Variants in OGA observed in about 807,000 individuals in gnomAD.
The protein encoded by OGA is O-GlcNAcase.
Under a neutral mutation model 102.0 loss-of-function variants are expected in OGA, and 21 were observed. That is an observed-to-expected ratio of 0.21 (90% CI 0.15 to 0.30). The LOEUF is 0.30. OGA is among the 10% of genes least tolerant of loss of function. The pLI, the probability that OGA is intolerant of heterozygous loss-of-function variation, is 1.00. For missense variants in OGA, 765 were observed against 1,107.8 expected, an observed-to-expected ratio of 0.69 and a Z score of 4.39; for synonymous variants, 408 against 378.2, an observed-to-expected ratio of 1.08 and a Z score of -0.91.
Position 101,790,180 on chromosome 10 carries a change from A to C in OGA, c.2454+716T>G, listed in dbSNP as rs77221258. 9.4e-3 allele frequency among the ~76,000 whole-genome samples: 1,425 copies of C among 151,788 alleles called. 19 individuals are homozygous for C. The highest frequency in any genetic ancestry group is 0.033 in the African/African-American group (1,353 of 41,440). ...TGTAGAATGCATTAGTCAGAAGGCAAGTTATTAACCTTCTGAGAAACCACC... is the reference window on the plus strand; with the variant it reads ...TGTAGAATGCATTAGTCAGAAGGCACGTTATTAACCTTCTGAGAAACCACC... On this transcript the variant is annotated intron_variant, in intron 14 of 15. Coordinates refer to ENST00000361464, the MANE Select transcript of OGA (RefSeq NM_012215.5).
intron 14 of OGA, among the ~76,000 whole-genome samples, chr10:101,789,425 G>A (rs1324814413): frequency 1.3e-5 from 2 of 152,170 alleles, no homozygotes; most frequent in African/African-American, 4.8e-5. Flanking sequence ...TTGAGCCTGA[G>A]AGGTGGAGGT....
chr10:101,812,865 G>C (rs2065576994), intron 3 of OGA, 165 bp downstream of exon 3: 1 of 695,708 alleles, frequency 1.4e-6, no homozygotes, highest in African/African-American at 1.8e-5. Context: ...TGCTAGCGCA[G>C]AGCACTCTTT....
chr10:101,786,505 A>G lies in OGA; in HGVS notation c.2697T>C (p.Ile899=). 1 of 1,612,632 alleles carries G rather than the reference A, an allele frequency of 6.2e-7. No homozygotes were observed. Among genetic ancestry groups the G allele is most frequent in the Non-Finnish European group, 8.5e-7 (1 of 1,179,422 alleles). Residue 899 remains isoleucine (I), a synonymous_variant, in exon 16 of 16, where the codon ATT becomes ATC. Coordinates refer to ENST00000361464, the MANE Select transcript of OGA (RefSeq NM_012215.5). The part of the protein sequence containing the change: ...EFYSKLGCFE[I]AKMEGFPKDV... ...CCTTTGGAAATCCTTCCATTTTTGC[A>G]ATTTCAAAACATCCTAACTTGCTGT...
At position 101,786,582 on chromosome 10, in the gene OGA, G is replaced by A. The variant is rs1275593539; in HGVS notation, c.2620C>T (p.Arg874Trp). 1.9e-6 allele frequency: 3 copies of A among 1,588,176 alleles called. No homozygotes were observed. Among genetic ancestry groups the A allele is most frequent in the Non-Finnish European group, 2.6e-6 (3 of 1,170,368 alleles). Residue 874 changes from arginine to tryptophan, a missense_variant, in exon 16 of 16, where the codon CGG becomes TGG. Arg to Trp is a moderately radical substitution (Grantham distance 101). This residue lies in a region of OGA where 146 missense variants were observed against 269.7 expected (regional missense o/e 0.54). Transcript: ENST00000361464. ...GGTCTCACTTCACAGAAAGCTCCCC[G>A]GGAGCCTAGAAATAAAACAAATATT... ...LLSSLKANGS[R>W]GAFCEVRPDD...
intron 7 of OGA, among the ~76,000 whole-genome samples, chr10:101,803,448 T>TAAAAAAAAAAAAAAA: frequency 1.3e-5 from 1 of 74,306 alleles, no homozygotes; most frequent in Non-Finnish European, 2.7e-5. Context: ...TGAATCATAC[T>TAAAAAAAAAAAAAAA]AAAAAAAAAA....
At position 101,817,106 on chromosome 10, in the gene OGA, C is replaced by T. The variant is rs755877524; in HGVS notation, c.199+718G>A. Among the ~76,000 whole-genome samples the T allele has an allele frequency of 8.5e-5, 13 of 152,292 alleles. No homozygotes were observed. In the South Asian group the frequency reaches 2.1e-3, roughly 24 times the overall value. Reference sequence around the variant, plus strand: ...CTGAAACAAGCATCTGGTAATTTTCCCTCACTACCAAAAAGTCCATCGTTC... The same window carrying T: ...CTGAAACAAGCATCTGGTAATTTTCTCTCACTACCAAAAAGTCCATCGTTC... On this transcript the variant is annotated intron_variant, in intron 1 of 15. Transcript: ENST00000361464.
At chr10:101,794,081 C>G in intron 10 of OGA, 83 bp from the exon 11 acceptor site, 2 of 920,600 alleles carry the variant, frequency 2.2e-6, no homozygotes, top group South Asian at 2.9e-5. Flanking sequence ...CTGACAAACA[C>G]TTCGTGGAAA....
intron 14 of OGA, among the ~76,000 whole-genome samples, chr10:101,790,071 A>G (rs1295968888): frequency 1.3e-5 from 2 of 152,192 alleles, no homozygotes; most frequent in African/African-American, 2.4e-5. Context: ...TGAAAAATGT[A>G]TTTAAGTTGG....
chr10:101,804,686 G>A (rs147075318), intron 6 of OGA, among the ~76,000 whole-genome samples: 1,576 of 151,812 alleles, frequency 0.01, 10 homozygotes, highest in Non-Finnish European at 0.016. Flanking sequence ...GAGCTCCTGA[G>A]CTCAAGCAAT....
rs1370879628 is a variant in OGA, at chr10:101,817,898, G to C, written c.125C>G (p.Pro42Arg). 1 of 1,564,048 alleles carries C rather than the reference G, an allele frequency of 6.4e-7. No homozygotes were observed. The highest frequency in any genetic ancestry group is 1.2e-5 in the South Asian group (1 of 86,122). ...CACCGCCGCTCCCCCAGCCCCGGCG[G>C]GGTTGTCTTCTCCGGGTGCCGGAGC... ...PAAPAPGEDN[P>R]AGAGGAAVAG... The change falls in exon 1 of 16, where the codon CCC becomes CGC. Residue 42 changes from proline to arginine, a missense_variant. By Grantham distance (103) the Pro-to-Arg change is moderately radical. Around this residue, in one of 7 missense-constraint regions of OGA, gnomAD observed 117 missense variants for 85.7 expected, o/e 1.36. Transcript: ENST00000361464.
At position 101,785,795 on chromosome 10, in the gene OGA, T is replaced by G. The variant is rs2065185533; in HGVS notation, c.*656A>C. On this transcript the variant is annotated 3_prime_UTR_variant, in exon 16 of 16. Coordinates refer to ENST00000361464, the MANE Select transcript of OGA (RefSeq NM_012215.5). ...CAGCTAGTTTATATACAAAGAAATTTACAAGTTTGTCAATTGTAGGCTTTT... is the reference window on the plus strand; with the variant it reads ...CAGCTAGTTTATATACAAAGAAATTGACAAGTTTGTCAATTGTAGGCTTTT... 1 of 152,362 alleles carries G rather than the reference T, an allele frequency of 6.6e-6. No individual in the cohort carries two copies. The highest frequency in any genetic ancestry group is 1.5e-5 in the Non-Finnish European group (1 of 68,044). The allele number at this position is 152,362 out of a possible 1,614,324, so 9.4% of individuals were successfully genotyped here.
At chr10:101,797,251 C>A (rs1233770133) in intron 10 of OGA, 1 of 151,884 alleles carries the variant, frequency 6.6e-6, no homozygotes, top group Non-Finnish European at 1.5e-5. Flanking sequence ...TTACATATTC[C>A]TTATAGCTGG....
In OGA at chr10:101,810,243, A is replaced by G. The variant is rs370187943; in HGVS notation, c.421T>C (p.Leu141=). The change falls in exon 4 of 16, where the codon TTG becomes CTG. Residue 141 remains leucine, a synonymous_variant. Coordinates refer to ENST00000361464, the MANE Select transcript of OGA (RefSeq NM_012215.5). ...IEFIYAISPG[L]DITFSNPKEV... is the part of the protein sequence containing the mutation. ...TTGGGGTTAGAAAAAGTGATATCCA[A>G]TCCAGGTGAGATCGCATAGATGAAC... is the stretch of plus-strand genomic sequence containing the variant. The G allele has an allele frequency of 1.5e-5, 24 of 1,612,118 alleles. No individual in the cohort carries two copies. Among genetic ancestry groups the G allele is most frequent in the Non-Finnish European group, 2.0e-5 (24 of 1,178,218 alleles).
In OGA at chr10:101,798,771, A is replaced by G. The variant is rs535513686; in HGVS notation, c.1809+71T>C. The G allele has an allele frequency of 6.9e-5, 104 of 1,511,800 alleles. No individual in the cohort carries two copies. The African/African-American group carries it at 1.4e-3, about 20-fold the overall frequency. 93.6% of individuals were successfully genotyped at this position (1,511,800 alleles called of 1,614,324 possible). ...CTGTCAGTTACAGTGTACTCATTTA[A>G]GAACCTTTTCCACATTACCAGTATG... On this transcript the variant is annotated intron_variant, in intron 9 of 15. Transcript: ENST00000361464.
intron 10 of OGA, among the ~76,000 whole-genome samples, chr10:101,795,577 G>A (rs2065304338): frequency 6.6e-6 from 1 of 152,208 alleles, no homozygotes; most frequent in African/African-American, 2.4e-5. Context: ...CTGGACTGGA[G>A]AGAGGAGGAA....
intron 5 of OGA, among the ~76,000 whole-genome samples, chr10:101,806,813 C>T (rs2065481777): frequency 6.6e-6 from 1 of 152,146 alleles, no homozygotes; most frequent in South Asian, 2.1e-4. Flanking sequence ...GTGGCTCACA[C>T]CTGCAATCCC....
At chr10:101,811,258 G>A (rs993418624) in intron 3 of OGA, among the ~76,000 whole-genome samples, 14 of 151,242 alleles carry the variant, frequency 9.3e-5, no homozygotes, top group Admixed American at 5.3e-4. Context: ...GCGTGGTGGC[G>A]CATACTTGTA....
intron 1 of OGA, among the ~76,000 whole-genome samples, chr10:101,816,102 T>C (rs2065621219): frequency 6.6e-6 from 1 of 151,554 alleles, no homozygotes; most frequent in Admixed American, 6.6e-5. Context: ...TGAAACCCGT[T>C]TCTACTAAAA....
chr10:101,789,031 A>G lies in OGA; in HGVS notation c.2455-1508T>C, dbSNP rs148218799. Among the ~76,000 whole-genome samples, 9 of 152,314 alleles carry G rather than the reference A, an allele frequency of 5.9e-5. No homozygotes were observed. In the East Asian group the frequency reaches 1.7e-3, roughly 29 times the overall value. ...TTTATGTTATTTATATTTTACCACA[A>G]TTTTTAAAAAGTTCTTATGCTGAAA... On this transcript the variant is annotated intron_variant, in intron 14 of 15. Coordinates refer to ENST00000361464, the MANE Select transcript of OGA (RefSeq NM_012215.5).
Sources: gnomAD v4.1 joint callset for allele counts (sites outside exome capture counted in the v4.1 genomes callset) on GRCh38, gnomAD v4.1.1 for gene constraint, gnomAD v4.1.1 regional missense constraint, MANE v1.5 for transcripts, NCBI Gene and HGNC (gene_info 2026-07-23, HGNC 2026-07-21) for gene names.